The following RMC1 variants were observed in gnomAD, a reference collection of about 807,000 sequenced individuals.
RMC1 encodes regulator of MON1-CCZ1 complex.
In RMC1, 44 loss-of-function variants were observed where a neutral mutation model predicts 95.5. The ratio of observed to expected loss-of-function variants is 0.46; its 90% CI spans 0.36 to 0.59. The LOEUF is 0.59. RMC1 is among the 20% of genes least tolerant of loss of function. RMC1 has a pLI of 0.00. For synonymous variants in RMC1, 320 were observed against 303.6 expected (o/e 1.05, Z -0.56); for missense variants, 705 against 819.6 (o/e 0.86, Z 1.71).
Position 23,527,805 on chromosome 18 carries a change from G to C in RMC1, c.1200G>C (p.Glu400Asp), listed in dbSNP as rs770989841. The C allele has an allele frequency of 1.2e-6, 2 of 1,613,910 alleles. No homozygotes were observed. The highest frequency in any genetic ancestry group is 1.7e-6 in the Non-Finnish European group (2 of 1,179,968). The change falls in exon 14 of 20, where the codon GAG becomes GAC. Residue 400 changes from glutamate (E) to aspartate (D), a missense_variant. Coordinates refer to ENST00000269221, the MANE Select transcript of RMC1 (RefSeq NM_013326.5). ...ILSVCSQMLSESDRASLPVIA... is the reference protein window; with the variant it reads ...ILSVCSQMLSDSDRASLPVIA... ...ATTGTGCCTTTCCAGTGTTAAGTGA[G>C]TCAGACAGAGCATCGCTGCCCGTGA... is the stretch of plus-strand genomic sequence containing the variant.
At position 23,530,248 on chromosome 18, in the gene RMC1, TAG is replaced by T; in HGVS notation, c.1624_1625del (p.Ser542PhefsTer21). 2 of 1,614,250 alleles carry T rather than the reference TAG, an allele frequency of 1.2e-6. No individual in the cohort carries two copies. The highest frequency in any genetic ancestry group is 1.7e-6 in the Non-Finnish European group (2 of 1,180,040). On this transcript the variant is annotated frameshift_variant, in exon 18 of 20. Transcript: ENST00000269221. LOFTEE classifies it high-confidence loss of function. ...TTTCAGGCTTGTCTGCTGTTATCCCTAGAGAGTTTCTATCCTCCTGCTCATCA... is the reference window on the plus strand; with the variant it reads ...TTTCAGGCTTGTCTGCTGTTATCCCTAGAGTTTCTATCCTCCTGCTCATCA...
At chr18:23,523,543 C>CAAAAAAAAAAAAAAAAAAA in intron 10 of RMC1, among the ~76,000 whole-genome samples, 1 of 76,406 alleles carries the variant, frequency 1.3e-5, no homozygotes, top group Non-Finnish European at 2.3e-5. Context: ...CTTGTCTTCA[C>CAAAAAAAAAAAAAAAAAAA]AAAAAAAAAA....
chr18:23,512,105 C>G (rs765920056), intron 5 of RMC1, among the ~76,000 whole-genome samples: 4 of 151,254 alleles, frequency 2.6e-5, no homozygotes, highest in Non-Finnish European at 5.9e-5. Flanking sequence ...ACGGCAACCT[C>G]CACCTCCTGG....
intron 2 of RMC1, chr18:23,506,212 T>C (rs1406182248): frequency 6.6e-6 from 1 of 150,532 alleles, no homozygotes; most frequent in East Asian, 1.9e-4. Context: ...TATTGAGGCA[T>C]AGTTGACACA....
Position 23,524,249 on chromosome 18 carries a change from C to T in RMC1, c.1006+75C>T, listed in dbSNP as rs911347192. ...CCTCAGAGAGTGGTCCTGAAGTCCT[C>T]CTCCGGGCAGCTGTGAATAACACTC... On this transcript the variant is annotated intron_variant, in intron 11 of 19. Coordinates refer to ENST00000269221, the MANE Select transcript of RMC1 (RefSeq NM_013326.5). 8 of 1,570,882 alleles carry T rather than the reference C, an allele frequency of 5.1e-6. No individual in the cohort carries two copies. In the East Asian group the frequency reaches 6.7e-5, roughly 13 times the overall value.
At chr18:23,521,983 A>G (rs2058154433) in intron 10 of RMC1, among the ~76,000 whole-genome samples, 1 of 152,204 alleles carries the variant, frequency 6.6e-6, no homozygotes, top group Non-Finnish European at 1.5e-5. Flanking sequence ...GAACCCTAGT[A>G]GTAATGTTTT....
intron 5 of RMC1, among the ~76,000 whole-genome samples, chr18:23,514,993 A>G (rs1406190138): frequency 6.6e-6 from 1 of 152,020 alleles, no homozygotes; most frequent in Non-Finnish European, 1.5e-5. Context: ...ATTTGTATGG[A>G]GTCTTATGAA....
intron 12 of RMC1, among the ~76,000 whole-genome samples, chr18:23,526,392 A>T (rs2058298433): frequency 6.6e-6 from 1 of 152,186 alleles, no homozygotes; most frequent in Admixed American, 6.5e-5. Context: ...TGCAGAGGTT[A>T]CTTGGAAAAG....
At chr18:23,514,975 A>AGT (rs2057961763) in intron 5 of RMC1, among the ~76,000 whole-genome samples, 2 of 152,260 alleles carry the variant, frequency 1.3e-5, no homozygotes, top group Admixed American at 1.3e-4. Flanking sequence ...TGGATTATAA[A>AGT]GTACTGCATT....
At chr18:23,509,901 A>G (rs1261020116) in intron 5 of RMC1, among the ~76,000 whole-genome samples, 6 of 136,880 alleles carry the variant, frequency 4.4e-5, no homozygotes, top group African/African-American at 1.7e-4. Context: ...AAGTCTTGCT[A>G]TGTTGCCCAG....
At chr18:23,506,610 T>C in intron 2 of RMC1, 7 of 242,180 alleles carry the variant, frequency 2.9e-5, no homozygotes, top group Non-Finnish European at 4.9e-5. Flanking sequence ...TGCTGTGAGA[T>C]GCACAAGTAG....
At position 23,531,751 on chromosome 18, in the gene RMC1, A is replaced by G. The variant is rs1052449718; in HGVS notation, c.*47A>G. 6.3e-7 allele frequency: 1 copy of G among 1,587,858 alleles called. No homozygotes were observed. Among genetic ancestry groups the G allele is most frequent in the South Asian group, 1.2e-5 (1 of 85,996 alleles). On this transcript the variant is annotated 3_prime_UTR_variant, in exon 20 of 20. Transcript: ENST00000269221. ...ATAAAAATGTGTACAAAGTTAATTT[A>G]TTGCATTAATAAAGCTCTTTAAACT...
intron 1 of RMC1, 112 bp from the exon 2 acceptor site, chr18:23,504,259 C>T: frequency 1.2e-6 from 1 of 839,308 alleles, no homozygotes; most frequent in Non-Finnish European, 2.0e-6. Context: ...TGCCGTGTTA[C>T]TTTAGTTGAA....
Position 23,530,083 on chromosome 18 carries a change from T to A in RMC1, c.1550T>A (p.Met517Lys), listed in dbSNP as rs1327082645. 6.2e-7 allele frequency: 1 copy of A among 1,614,266 alleles called. No individual in the cohort carries two copies. The highest frequency in any genetic ancestry group is 8.5e-7 in the Non-Finnish European group (1 of 1,180,056). ...CTTGTCCAGCACAACCTCTTTTATA[T>A]GCTGCATCAGTTCCTGCAGTACCAC... ...KTLVQHNLFY[M>K]LHQFLQYHVL... The change falls in exon 17 of 20, where the codon ATG (methionine) becomes AAG (lysine). Residue 517 changes from methionine (M) to lysine (K), a missense_variant. Transcript: ENST00000269221.
At chr18:23,522,009 G>A (rs2058155035) in intron 10 of RMC1, among the ~76,000 whole-genome samples, 1 of 152,200 alleles carries the variant, frequency 6.6e-6, no homozygotes, top group African/African-American at 2.4e-5. Context: ...TTGTCCGATG[G>A]CATTGGGCGG....
chr18:23,517,716 C>T (rs2058045832), intron 7 of RMC1, among the ~76,000 whole-genome samples: 1 of 151,408 alleles, frequency 6.6e-6, no homozygotes, highest in African/African-American at 2.4e-5. Flanking sequence ...TGTGGCATTC[C>T]TGTTTATTTT....
At chr18:23,507,417 A>ATG (rs36123520) in intron 3 of RMC1, among the ~76,000 whole-genome samples, 3,756 of 152,152 alleles carry the variant, frequency 0.025, 122 homozygotes, top group African/African-American at 0.086. Context: ...TTGGAACTTC[A>ATG]TGTGTCTTTT....
Position 23,529,199 on chromosome 18 carries a change from C to T in RMC1, c.1317C>T (p.Ser439=). The T allele has an allele frequency of 1.2e-6, 2 of 1,613,556 alleles. No homozygotes were observed. The highest frequency in any genetic ancestry group is 1.3e-5 in the African/African-American group (1 of 75,000). The part of the protein sequence containing the change: ...SYAMAVEAGQ[S]RSSPLLKRPV... Reference sequence around the variant, plus strand: ...TTCAGGCGGTGGAAGCAGGGCAGAGCCGAAGCAGCCCGCTCCTCAAGAGGC... The same window carrying T: ...TTCAGGCGGTGGAAGCAGGGCAGAGTCGAAGCAGCCCGCTCCTCAAGAGGC... The change falls in exon 15 of 20, where the codon AGC becomes AGT. Residue 439 remains serine, a synonymous_variant. Transcript: ENST00000269221.
intron 14 of RMC1, chr18:23,528,745 T>C (rs927528156): frequency 7.0e-5 from 11 of 158,214 alleles, no homozygotes; most frequent in African/African-American, 2.4e-4. Flanking sequence ...CCACACGGTC[T>C]GCTGGGCTCC....
Sources: gnomAD v4.1 joint callset for allele counts (sites outside exome capture counted in the v4.1 genomes callset) on GRCh38, gnomAD v4.1.1 for gene constraint, MANE v1.5 for transcripts, NCBI Gene and HGNC (gene_info 2026-07-23, HGNC 2026-07-21) for gene names.